CMTM8: variants seen among roughly 807,000 people sequenced by gnomAD.
CMTM8 encodes CKLF-like MARVEL transmembrane domain-containing protein 8.
CMTM8 carries 12 observed loss-of-function variants against 18.6 expected under a neutral mutation model. The ratio of observed to expected loss-of-function variants is 0.65; its 90% confidence interval spans 0.41 to 1.05. The LOEUF (loss-of-function observed/expected upper bound fraction) is 1.05, where lower values mean the gene tolerates loss of function less well. Ranked by LOEUF, CMTM8 falls within the 50% of genes least tolerant of loss-of-function variation. The pLI is 0.00. For synonymous variants in CMTM8, 87 were observed against 90.6 expected (o/e 0.96, Z 0.23); for missense variants, 217 against 227.2 (o/e 0.95, Z 0.29).
intron 1 of CMTM8, among the ~76,000 whole-genome samples, chr3:32,281,078 C>T (rs1331875444): frequency 6.6e-6 from 1 of 152,120 alleles, no homozygotes; most frequent in Admixed American, 6.5e-5. Flanking sequence ...CAAGCCCCAT[C>T]TCTGCATGGG....
At chr3:32,332,052 A>C (rs977263989) in intron 1 of CMTM8, among the ~76,000 whole-genome samples, 10 of 151,964 alleles carry the variant, frequency 6.6e-5, no homozygotes, top group African/African-American at 2.2e-4. Context: ...ACACACACAC[A>C]CACAAGTAAG....
chr3:32,349,709 A>T (rs1696666915), intron 1 of CMTM8, among the ~76,000 whole-genome samples: 1 of 152,100 alleles, frequency 6.6e-6, no homozygotes, highest in South Asian at 2.1e-4. Context: ...ACTCCAGATC[A>T]ATAATTTTAT....
At chr3:32,332,077 G>GAA (rs142443645) in intron 1 of CMTM8, among the ~76,000 whole-genome samples, 1 of 151,228 alleles carries the variant, frequency 6.6e-6, no homozygotes, top group Non-Finnish European at 1.5e-5. Flanking sequence ...GAATAAAAAG[G>GAA]AAAAAAAAGC....
At position 32,369,964 on chromosome 3, in the gene CMTM8, G is replaced by T; in HGVS notation, c.519G>T (p.Gln173His). 1 of 1,557,564 alleles carries T rather than the reference G, an allele frequency of 6.4e-7. No homozygotes were observed. ...TAGCATGGAGATCCAGGACCATACA[G>T]TGATTTACCATTTTGATAATTAAAA... Reference protein sequence around the residue: ...SFIAWRSRTIQ With the variant: ...SFIAWRSRTIH Residue 173 changes from glutamine (Q) to histidine (H), a missense_variant, in exon 4 of 4, where the codon CAG becomes CAT. Coordinates refer to ENST00000307526, the MANE Select transcript of CMTM8 (RefSeq NM_178868.5).
chr3:32,293,162 G>A (rs985624201), intron 1 of CMTM8, among the ~76,000 whole-genome samples: 2 of 151,698 alleles, frequency 1.3e-5, no homozygotes, highest in African/African-American at 4.8e-5. Flanking sequence ...CCTCACTTTG[G>A]CGGCTATGTA....
At chr3:32,239,993 C>T (rs116651963) in intron 1 of CMTM8, among the ~76,000 whole-genome samples, 78 of 152,348 alleles carry the variant, frequency 5.1e-4, no homozygotes, top group African/African-American at 1.8e-3. Context: ...TGCCTTTCTG[C>T]AGGGCCGTGC....
intron 1 of CMTM8, among the ~76,000 whole-genome samples, chr3:32,268,895 C>T (rs1166994472): frequency 6.6e-6 from 1 of 152,162 alleles, no homozygotes; most frequent in Non-Finnish European, 1.5e-5. Context: ...AAAATTATAA[C>T]AGGTGCCGCT....
chr3:32,278,977 C>T (rs1281483767), intron 1 of CMTM8, among the ~76,000 whole-genome samples: 1 of 152,120 alleles, frequency 6.6e-6, no homozygotes, highest in Non-Finnish European at 1.5e-5. Context: ...GTGTATCTGA[C>T]AAGCTGAGCT....
chr3:32,269,980 C>T (rs868100268), intron 1 of CMTM8, among the ~76,000 whole-genome samples: 1 of 151,668 alleles, frequency 6.6e-6, no homozygotes, highest in Non-Finnish European at 1.5e-5. Flanking sequence ...CACTATGTTA[C>T]CCAGGCTGGT....
chr3:32,271,750 G>T (rs544801816), intron 1 of CMTM8, among the ~76,000 whole-genome samples: 2 of 152,174 alleles, frequency 1.3e-5, no homozygotes, highest in East Asian at 3.9e-4. Flanking sequence ...TATTCTTTTA[G>T]TAGATCTTTA....
chr3:32,288,864 CTA>C (rs1480975833), intron 1 of CMTM8, among the ~76,000 whole-genome samples: 1 of 152,122 alleles, frequency 6.6e-6, no homozygotes, highest in Non-Finnish European at 1.5e-5. Flanking sequence ...TTTCCTATAA[CTA>C]TGAATTAGTT....
intron 1 of CMTM8, among the ~76,000 whole-genome samples, chr3:32,276,896 T>A (rs1337479354): frequency 6.6e-6 from 1 of 152,006 alleles, no homozygotes; most frequent in African/African-American, 2.4e-5. Context: ...CTGAGAAATT[T>A]TTTTTTTTTG....
intron 1 of CMTM8, among the ~76,000 whole-genome samples, chr3:32,351,885 C>T (rs1234538307): frequency 1.3e-5 from 2 of 152,000 alleles, no homozygotes; most frequent in Non-Finnish European, 2.9e-5. Flanking sequence ...TCAGGCCAGG[C>T]ACAGTGGCTG....
At chr3:32,292,639 C>T (rs961517836) in intron 1 of CMTM8, among the ~76,000 whole-genome samples, 6 of 152,148 alleles carry the variant, frequency 3.9e-5, no homozygotes, top group Middle Eastern at 6.8e-3. Flanking sequence ...CCTTTAGGCC[C>T]GGATTTCTCA....
upstream of CMTM8, chr3:32,238,600 G>GTCCGCGGCGCC (rs1472728429): frequency 1.8e-5 from 3 of 162,566 alleles, no homozygotes; most frequent in South Asian, 2.0e-4. Context: ...GAGGGCGGGC[G>GTCCGCGGCGCC]TCCGCGGCGC....
At position 32,318,596 on chromosome 3, in the gene CMTM8, T is replaced by A. The variant is rs536777395; in HGVS notation, c.148-38777T>A. Reference sequence around the variant, plus strand: ...TTTTTTTTTTTTTTGAGACAGAGTCTCACTCTGTCACCCAGCCTGGAGTGC... The same window carrying A: ...TTTTTTTTTTTTTTGAGACAGAGTCACACTCTGTCACCCAGCCTGGAGTGC... On this transcript the variant is annotated intron_variant, in intron 1 of 3. Coordinates refer to ENST00000307526, the MANE Select transcript of CMTM8 (RefSeq NM_178868.5). 3.4e-4 allele frequency among the ~76,000 whole-genome samples: 49 copies of A among 144,566 alleles called. 1 individual carries two copies. The highest frequency in any genetic ancestry group is 1.2e-3 in the African/African-American group (47 of 38,972). The allele number at this position is 144,566 out of a possible 152,430, so 94.8% of individuals were successfully genotyped here.
chr3:32,298,925 ATATATATATATATATG>A lies in CMTM8; in HGVS notation c.148-58432_148-58417del, dbSNP rs1327138930. On this transcript the variant is annotated intron_variant, in intron 1 of 3. Coordinates refer to ENST00000307526, the MANE Select transcript of CMTM8 (RefSeq NM_178868.5). ...CACACACACACACATACACACACAC[ATATATATATATATATG>A]TATATATATATATATTTTTTTTTTT... 1.6e-3 allele frequency among the ~76,000 whole-genome samples: 213 copies of A among 129,616 alleles called. 1 individual carries two copies. Among genetic ancestry groups the A allele is most frequent in the African/African-American group, 5.7e-3 (199 of 34,632 alleles). 85.0% of individuals were successfully genotyped at this position (129,616 alleles called of 152,430 possible).
intron 1 of CMTM8, among the ~76,000 whole-genome samples, chr3:32,352,026 A>G (rs2125595667): frequency 6.6e-6 from 1 of 151,962 alleles, no homozygotes; most frequent in East Asian, 1.9e-4. Flanking sequence ...AAAATACAAA[A>G]AATTAGCCAA....
chr3:32,319,074 A>ATATATATATATATATATTTTTTTTT, intron 1 of CMTM8, among the ~76,000 whole-genome samples: 14 of 31,522 alleles, frequency 4.4e-4, no homozygotes, highest in East Asian at 3.1e-3. Flanking sequence ...ATATATATAT[A>ATATATATATATATATATTTTTTTTT]TTTTTTTTTT....
Sources: gnomAD v4.1 joint callset for allele counts (sites outside exome capture counted in the v4.1 genomes callset) on GRCh38, gnomAD v4.1.1 for gene constraint, MANE v1.5 for transcripts, NCBI Gene and HGNC (gene_info 2026-07-23, HGNC 2026-07-21) for gene names.